BICRA: variants seen among roughly 807,000 people sequenced by gnomAD.
BICRA encodes BRD4-interacting chromatin-remodeling complex-associated protein.
A neutral mutation model predicts 96.9 loss-of-function variants in BICRA; 31 were observed. The ratio of observed to expected loss-of-function variants is 0.32; its 90% CI spans 0.24 to 0.43. The LOEUF (loss-of-function observed/expected upper bound fraction) is 0.43. Among genes scored for constraint, BICRA ranks in the 20% least tolerant of loss-of-function variants. BICRA has a pLI of 1.00. For missense variants in BICRA, 2,283 were observed against 2,190.3 expected (o/e 1.04, Z -0.84); for synonymous variants, 1,350 against 1,071.8 (o/e 1.26, Z -5.07).
chr19:47,681,301 A>T, intron 6 of BICRA, 25 bp downstream of exon 6: 1 of 1,538,144 alleles, frequency 6.5e-7, no homozygotes, highest in East Asian at 2.4e-5. Flanking sequence ...GCAAGGGAGC[A>T]GGTACCGGAG....
At chr19:47,647,667 G>C (rs959796672) in intron 1 of BICRA, among the ~76,000 whole-genome samples, 1 of 152,006 alleles carries the variant, frequency 6.6e-6, no homozygotes. Context: ...CTCCTTCCCG[G>C]GTGAGGATTG....
chr19:47,618,728 C>T (rs543207511), intron 1 of BICRA, among the ~76,000 whole-genome samples: 7 of 152,282 alleles, frequency 4.6e-5, no homozygotes, highest in Admixed American at 2.6e-4. Flanking sequence ...ACCTTGGGAA[C>T]GGAGTGAGCG....
At chr19:47,681,331 G>A in intron 6 of BICRA, 55 bp downstream of exon 6, 1 of 1,473,778 alleles carries the variant, frequency 6.8e-7, no homozygotes, top group African/African-American at 1.4e-5. Flanking sequence ...TTGGGAGGAA[G>A]AGGGGTCCTG....
chr19:47,643,179 G>A (rs554480435), intron 1 of BICRA, among the ~76,000 whole-genome samples: 3 of 152,166 alleles, frequency 2.0e-5, no homozygotes, highest in Non-Finnish European at 4.4e-5. Context: ...CATGTTGGCC[G>A]AGCTGGTCTT....
intron 7 of BICRA, among the ~76,000 whole-genome samples, chr19:47,685,786 T>TGTGTGTGTGTGTGTGC: frequency 7.8e-4 from 92 of 117,968 alleles, no homozygotes; most frequent in East Asian, 2.8e-3. Context: ...TGTGTGTGTG[T>TGTGTGTGTGTGTGTGC]GCGCGCGCGC....
chr19:47,674,555 G>A (rs1436924481), intron 4 of BICRA, among the ~76,000 whole-genome samples: 1 of 152,150 alleles, frequency 6.6e-6, no homozygotes. Flanking sequence ...GTGTCTGAAG[G>A]TCAGGAATCT....
chr19:47,654,674 A>G (rs1377577510), intron 1 of BICRA, among the ~76,000 whole-genome samples: 1 of 151,944 alleles, frequency 6.6e-6, no homozygotes, highest in African/African-American at 2.4e-5. Flanking sequence ...CTGTAAGGCC[A>G]GGGCATGGTG....
Position 47,681,153 on chromosome 19 carries a change from C to A in BICRA, c.1983C>A (p.Ala661=). ...PTPQAAAPPQ[A]TTPQPSPGLA... ...CACAGGCCGCCGCCCCGCCTCAGGC[C>A]ACCACCCCCCAGCCCAGCCCTGGCC... Residue 661 remains alanine (A), a synonymous_variant, in exon 6 of 15, where the codon GCC becomes GCA. Transcript: ENST00000594866. 2 of 1,519,618 alleles carry A rather than the reference C, an allele frequency of 1.3e-6. No individual in the cohort carries two copies. Among genetic ancestry groups the A allele is most frequent in the Non-Finnish European group, 8.8e-7 (1 of 1,133,462 alleles). 94.1% of individuals were successfully genotyped at this position (1,519,618 alleles called of 1,614,324 possible).
intron 1 of BICRA, among the ~76,000 whole-genome samples, chr19:47,618,994 A>C (rs557441084): frequency 1.1e-4 from 16 of 152,086 alleles, no homozygotes; most frequent in Non-Finnish European, 2.1e-4. Flanking sequence ...AACCTCCATC[A>C]CCTGGCACGC....
At chr19:47,677,860 A>G (rs1367059131) in intron 5 of BICRA, among the ~76,000 whole-genome samples, 3 of 152,164 alleles carry the variant, frequency 2.0e-5, no homozygotes, top group Non-Finnish European at 2.9e-5. Context: ...AATTTCTCCA[A>G]TTCTGGAAAA....
At chr19:47,681,912 C>T (rs1001098373) in intron 6 of BICRA, 64 bp from the exon 7 acceptor site, 25 of 1,132,596 alleles carry the variant, frequency 2.2e-5, no homozygotes, top group African/African-American at 6.2e-5. Flanking sequence ...GCAGGGGTCT[C>T]GGGTGGGGAG....
chr19:47,695,608 C>T, intron 10 of BICRA, 134 bp downstream of exon 10: 1 of 615,186 alleles, frequency 1.6e-6, no homozygotes, highest in Non-Finnish European at 2.9e-6. Flanking sequence ...AGCTGAGACA[C>T]CACGAACAGC....
intron 1 of BICRA, among the ~76,000 whole-genome samples, chr19:47,624,795 G>A (rs1421581354): frequency 6.6e-6 from 1 of 151,690 alleles, no homozygotes; most frequent in Non-Finnish European, 1.5e-5. Context: ...CCAGGCTCAA[G>A]CGTTCCTCCA....
Position 47,701,477 on chromosome 19 carries a change from C to A in BICRA, c.3745C>A (p.Arg1249=), listed in dbSNP as rs1329637515. 1 of 1,555,916 alleles carries A rather than the reference C, an allele frequency of 6.4e-7. No individual in the cohort carries two copies. The highest frequency in any genetic ancestry group is 1.2e-5 in the South Asian group (1 of 84,808). ...PPHLPTKLVI[R]HGGAGGSPSV... ...ACACCTGCCCACCAAGCTTGTGATCCGGCACGGCGGGGCAGGCGGCTCCCC... is the reference window on the plus strand; with the variant it reads ...ACACCTGCCCACCAAGCTTGTGATCAGGCACGGCGGGGCAGGCGGCTCCCC... The change falls in exon 15 of 15, where the codon CGG becomes AGG. Residue 1249 remains arginine, a synonymous_variant. Coordinates refer to ENST00000594866, the MANE Select transcript of BICRA (RefSeq NM_001394372.1). This position sits in a 1 kb window ranked among gnomAD's most constrained non-coding sequence, Gnocchi z 5.4.
intron 6 of BICRA, 133 bp from the exon 7 acceptor site, chr19:47,681,843 C>A: frequency 1.5e-6 from 1 of 668,456 alleles, no homozygotes; most frequent in Non-Finnish European, 2.5e-6. Flanking sequence ...GTGCCTGGCA[C>A]CCTGCCTGCC....
At chr19:47,621,175 CAG>C (rs937420362) in intron 1 of BICRA, among the ~76,000 whole-genome samples, 2 of 152,182 alleles carry the variant, frequency 1.3e-5, no homozygotes, top group African/African-American at 4.8e-5. Flanking sequence ...GGAAGCCAGA[CAG>C]GGTATTTCCT....
Position 47,675,935 on chromosome 19 carries a change from G to A in BICRA, c.150+19G>A, listed in dbSNP as rs557249439. ...TCCTGGGGTAAGTGCCGTGGCTCCC[G>A]ATCATTGCCTGAGCTGTTGGGGCTG... On this transcript the variant is annotated intron_variant, in intron 5 of 14. Coordinates refer to ENST00000594866, the MANE Select transcript of BICRA (RefSeq NM_001394372.1). This position sits in a 1 kb window ranked among gnomAD's most constrained non-coding sequence, Gnocchi z 4.7. 75 of 1,572,120 alleles carry A rather than the reference G, an allele frequency of 4.8e-5. No individual in the cohort carries two copies. The highest frequency in any genetic ancestry group is 5.0e-5 in the Non-Finnish European group (58 of 1,149,686).
chr19:47,649,707 G>A (rs1293255196), intron 1 of BICRA, among the ~76,000 whole-genome samples: 2 of 152,144 alleles, frequency 1.3e-5, no homozygotes, highest in Non-Finnish European at 2.9e-5. Flanking sequence ...GGAAACAAGG[G>A]ACTCATAATA....
In BICRA at chr19:47,679,911, G is replaced by T. The variant is rs777338361; in HGVS notation, c.741G>T (p.Thr247=). Residue 247 remains threonine (T), a synonymous_variant, in exon 6 of 15, where the codon ACG becomes ACT. Transcript: ENST00000594866. Reference sequence around the variant, plus strand: ...GCCAGCCCGTCATGGCGCTCAACACGCCCACCTCCCAGCTCCTGGCCAAGC... The same window carrying T: ...GCCAGCCCGTCATGGCGCTCAACACTCCCACCTCCCAGCTCCTGGCCAAGC... ...VVGQPVMALN[T]PTSQLLAKQV... 212 of 1,521,178 alleles carry T rather than the reference G, an allele frequency of 1.4e-4. No homozygotes were observed. The highest frequency in any genetic ancestry group is 5.3e-4 in the Admixed American group (26 of 49,028). 94.2% of individuals were successfully genotyped at this position (1,521,178 alleles called of 1,614,324 possible).
Sources: allele counts gnomAD v4.1 joint callset (sites outside exome capture counted in the v4.1 genomes callset), GRCh38; gene constraint gnomAD v4.1.1; non-coding constraint Gnocchi (gnomAD v3.1); transcripts MANE v1.5; gene names NCBI Gene and HGNC (gene_info 2026-07-23, HGNC 2026-07-21).